Variants in LRRTM4 observed in about 807,000 individuals in gnomAD.
The protein encoded by LRRTM4 is leucine-rich repeat transmembrane neuronal protein 4.
In LRRTM4, 25 loss-of-function variants were observed where a neutral mutation model predicts 47.6. The ratio of observed to expected loss-of-function variants is 0.53; its 90% CI spans 0.38 to 0.73. LRRTM4 has a LOEUF of 0.73. Ranked by LOEUF, LRRTM4 falls within the 30% of genes least tolerant of loss-of-function variation. The probability of loss-of-function intolerance (pLI) is 0.00; values close to 1 mark genes in which losing one functional copy is unlikely to be tolerated. For synonymous variants in LRRTM4, 311 were observed against 269.5 expected, an observed-to-expected ratio of 1.15 and a Z score of -1.51; for missense variants, 638 against 713.4, an observed-to-expected ratio of 0.89 and a Z score of 1.20.
chr2:77,517,735 A>G (rs1679269047), intron 3 of LRRTM4: 1 of 985,440 alleles, frequency 1.0e-6, no homozygotes, highest in Non-Finnish European at 1.2e-6. Flanking sequence ...GCCTGATACA[A>G]TTACACAGTA....
intron 3 of LRRTM4, among the ~76,000 whole-genome samples, chr2:77,362,532 G>T (rs1226558839): frequency 6.6e-6 from 1 of 152,134 alleles, no homozygotes; most frequent in Non-Finnish European, 1.5e-5. Context: ...TGGTGCTGTG[G>T]TCCGTGTTAC....
chr2:77,178,076 G>A (rs543600128), intron 3 of LRRTM4, among the ~76,000 whole-genome samples: 1 of 152,246 alleles, frequency 6.6e-6, no homozygotes, highest in African/African-American at 2.4e-5. Context: ...TACAGCAAGT[G>A]CTCAAAAGAT....
intron 3 of LRRTM4, among the ~76,000 whole-genome samples, chr2:77,193,535 C>A (rs10445950): frequency 1.3e-5 from 2 of 150,996 alleles, no homozygotes; most frequent in African/African-American, 2.4e-5. Flanking sequence ...TTCGGCCGGG[C>A]GTAGTGGCTC....
At chr2:77,365,339 A>T (rs78940248) in intron 3 of LRRTM4, among the ~76,000 whole-genome samples, 32 of 152,188 alleles carry the variant, frequency 2.1e-4, no homozygotes, top group African/African-American at 7.5e-4. Flanking sequence ...CATCCTTCTA[A>T]GCCTGTGTTC....
At chr2:76,866,878 G>A (rs924171847) in intron 3 of LRRTM4, among the ~76,000 whole-genome samples, 31 of 152,124 alleles carry the variant, frequency 2.0e-4, no homozygotes, top group African/African-American at 7.2e-4. Flanking sequence ...GGATTGCTGG[G>A]TCAAGCAGCC....
intron 3 of LRRTM4, among the ~76,000 whole-genome samples, chr2:77,101,276 A>T (rs1033541256): frequency 6.6e-5 from 10 of 152,204 alleles, no homozygotes; most frequent in African/African-American, 2.2e-4. Context: ...CATTTGCTTT[A>T]AAACGAAAGA....
Position 76,911,606 on chromosome 2 carries a change from G to T in LRRTM4, c.1552-162690C>A, listed in dbSNP as rs76965929. 7.3e-4 allele frequency among the ~76,000 whole-genome samples: 111 copies of T among 152,096 alleles called. 6 individuals are homozygous for T. The East Asian group carries it at 0.021, about 29-fold the overall frequency. ...GACTCTGATATGCTCATTCTAAGAG[G>T]AGAAATCAAACACGGCAGAGAGAGA... On this transcript the variant is annotated intron_variant, in intron 3 of 3. Coordinates refer to ENST00000409884, the MANE Select transcript of LRRTM4 (RefSeq NM_001134745.3).
Position 77,358,340 on chromosome 2 carries a change from A to T in LRRTM4, c.1551+159978T>A, listed in dbSNP as rs577707807. ...CAAAGCCAAGAGGCATCCTGGCTTT[A>T]TAACAATCCACTCTTGCGGGAACTA... On this transcript the variant is annotated intron_variant, in intron 3 of 3. Coordinates refer to ENST00000409884, the MANE Select transcript of LRRTM4 (RefSeq NM_001134745.3). 3.3e-3 allele frequency among the ~76,000 whole-genome samples: 502 copies of T among 152,258 alleles called. 3 individuals carry two copies. The highest frequency in any genetic ancestry group is 4.9e-3 in the Non-Finnish European group (330 of 68,010).
chr2:77,485,927 G>A (rs1573479838), intron 3 of LRRTM4, among the ~76,000 whole-genome samples: 1 of 151,036 alleles, frequency 6.6e-6, no homozygotes, highest in South Asian at 2.1e-4. Flanking sequence ...TAGGGGAGAC[G>A]TGGTTTCACC....
intron 3 of LRRTM4, among the ~76,000 whole-genome samples, chr2:76,852,297 A>G (rs1213782214): frequency 6.6e-6 from 1 of 152,110 alleles, no homozygotes; most frequent in African/African-American, 2.4e-5. Flanking sequence ...TTACACTCCC[A>G]CCAAAATCAC....
intron 3 of LRRTM4, among the ~76,000 whole-genome samples, chr2:77,506,050 G>C (rs1178202801): frequency 6.6e-6 from 1 of 151,494 alleles, no homozygotes. Flanking sequence ...GTTGGAGCAA[G>C]AATACTTATT....
intron 3 of LRRTM4, among the ~76,000 whole-genome samples, chr2:76,937,209 A>C (rs1009903590): frequency 6.6e-6 from 1 of 152,116 alleles, no homozygotes; most frequent in Non-Finnish European, 1.5e-5. Flanking sequence ...TTATGGACCA[A>C]AATTTAACCC....
intron 3 of LRRTM4, among the ~76,000 whole-genome samples, chr2:77,482,930 G>T (rs1677763309): frequency 6.6e-6 from 1 of 151,646 alleles, no homozygotes; most frequent in Non-Finnish European, 1.5e-5. Flanking sequence ...AGACCATCCT[G>T]GCCAACATGG....
At chr2:77,246,788 A>G (rs1271351063) in intron 3 of LRRTM4, among the ~76,000 whole-genome samples, 1 of 152,110 alleles carries the variant, frequency 6.6e-6, no homozygotes, top group Non-Finnish European at 1.5e-5. Context: ...ATGCCTATAT[A>G]TGCATATATG....
At chr2:76,807,438 G>GTATATACATATATATATACATATA (rs1670538900) in intron 3 of LRRTM4, among the ~76,000 whole-genome samples, 2 of 65,192 alleles carry the variant, frequency 3.1e-5, no homozygotes, top group African/African-American at 1.5e-4. Flanking sequence ...ATATATATAC[G>GTATATACATATATATATACATATA]TATATACATA....
chr2:77,010,560 C>T (rs555551274), intron 3 of LRRTM4, among the ~76,000 whole-genome samples: 5 of 145,858 alleles, frequency 3.4e-5, no homozygotes, highest in Non-Finnish European at 7.6e-5. Context: ...TTTAACCATT[C>T]ATCTGTTGAT....
chr2:76,808,273 C>A (rs1244031721), intron 3 of LRRTM4, among the ~76,000 whole-genome samples: 1 of 152,002 alleles, frequency 6.6e-6, no homozygotes, highest in East Asian at 1.9e-4. Flanking sequence ...CTGCCTTGAC[C>A]TCCCAAAGTG....
At chr2:77,326,976 C>G (rs12468248) in intron 3 of LRRTM4, among the ~76,000 whole-genome samples, 8,154 of 152,178 alleles carry the variant, frequency 0.054, 307 homozygotes, top group African/African-American at 0.098. Context: ...TTTCCTAAAC[C>G]AGCGGCTCAG....
intron 3 of LRRTM4, among the ~76,000 whole-genome samples, chr2:77,313,452 G>A (rs1378588542): frequency 2.0e-5 from 2 of 99,878 alleles, no homozygotes; most frequent in Non-Finnish European, 3.7e-5. Flanking sequence ...ACGTTTTCCT[G>A]TAATCCTGTT....
Sources: gnomAD v4.1 joint callset for allele counts (sites outside exome capture counted in the v4.1 genomes callset) on GRCh38, gnomAD v4.1.1 for gene constraint, MANE v1.5 for transcripts, NCBI Gene and HGNC (gene_info 2026-07-23, HGNC 2026-07-21) for gene names.